LUC7L2: variants seen among roughly 807,000 people sequenced by gnomAD.
LUC7L2 encodes the protein putative RNA-binding protein Luc7-like 2.
In LUC7L2, 25 loss-of-function variants were observed where a neutral mutation model predicts 52.8. The ratio of observed to expected loss-of-function variants is 0.47; its 90% CI spans 0.34 to 0.66. LUC7L2 has a LOEUF of 0.66. Among genes scored for constraint, LUC7L2 ranks in the 30% least tolerant of loss-of-function variants. The probability of loss-of-function intolerance (pLI) is 0.01; values close to 1 mark genes in which losing one functional copy is unlikely to be tolerated. For missense variants in LUC7L2, 328 were observed against 497.8 expected, an observed-to-expected ratio of 0.66 and a Z score of 3.25; for synonymous variants, 144 against 160.9, an observed-to-expected ratio of 0.89 and a Z score of 0.80.
chr7:139,403,259 A>G (rs1794994073), intron 4 of LUC7L2, among the ~76,000 whole-genome samples: 2 of 152,206 alleles, frequency 1.3e-5, no homozygotes, highest in Non-Finnish European at 2.9e-5. Flanking sequence ...TATCCAGTGT[A>G]TGTTTATTTT....
chr7:139,421,461 G>A (rs78433237), intron 9 of LUC7L2, among the ~76,000 whole-genome samples: 259 of 152,270 alleles, frequency 1.7e-3, no homozygotes, highest in African/African-American at 5.9e-3. Flanking sequence ...AATGAAGTTG[G>A]GTATGGGAAT....
chr7:139,374,860 A>G (rs1299012159), intron 1 of LUC7L2: 2 of 1,001,988 alleles, frequency 2.0e-6, no homozygotes, highest in Non-Finnish European at 2.4e-6. Context: ...TAAAGTTTTA[A>G]TCTTTTTTGT....
intron 3 of LUC7L2, 44 bp downstream of exon 3, chr7:139,398,741 A>G (rs1312659233): frequency 5.7e-6 from 9 of 1,571,414 alleles, no homozygotes; most frequent in Non-Finnish European, 7.8e-6. Flanking sequence ...CTTTTGCTGT[A>G]AAACATTGTG....
intron 9 of LUC7L2, among the ~76,000 whole-genome samples, 193 bp from the exon 10 acceptor site, chr7:139,421,970 C>T (rs938635300): frequency 1.3e-5 from 2 of 152,118 alleles, no homozygotes; most frequent in Non-Finnish European, 2.9e-5. Context: ...ATTTGTTTTT[C>T]ACCCATCTTC....
intron 8 of LUC7L2, among the ~76,000 whole-genome samples, chr7:139,413,329 A>G (rs1453493301): frequency 6.6e-6 from 1 of 152,122 alleles, no homozygotes; most frequent in Non-Finnish European, 1.5e-5. Flanking sequence ...TCATGGATCC[A>G]TTCCCACCTA....
At chr7:139,405,508 G>T in intron 4 of LUC7L2, 136 bp from the exon 5 acceptor site, 1 of 1,119,586 alleles carries the variant, frequency 8.9e-7, no homozygotes, top group Non-Finnish European at 1.2e-6. Flanking sequence ...TAGTTCATTT[G>T]GGATACGCTC....
intron 7 of LUC7L2, among the ~76,000 whole-genome samples, chr7:139,410,407 A>G (rs1795311352): frequency 6.6e-6 from 1 of 152,172 alleles, no homozygotes. Flanking sequence ...TAGGAGCCAT[A>G]AACTATTAAA....
At chr7:139,378,575 A>AG (rs11421109) in intron 2 of LUC7L2, among the ~76,000 whole-genome samples, 10 of 66,414 alleles carry the variant, frequency 1.5e-4, no homozygotes, top group African/African-American at 4.2e-4. Flanking sequence ...ACCCTGCCTC[A>AG]AAAAAAAGAA....
intron 2 of LUC7L2, among the ~76,000 whole-genome samples, chr7:139,390,917 A>G (rs1794423161): frequency 6.6e-6 from 1 of 152,220 alleles, no homozygotes; most frequent in South Asian, 2.1e-4. Context: ...TTCCAATTAT[A>G]CATCACCCTC....
At chr7:139,363,702 TATTC>T in intron 1 of LUC7L2, among the ~76,000 whole-genome samples, 1 of 152,332 alleles carries the variant, frequency 6.6e-6, no homozygotes, top group East Asian at 1.9e-4. Flanking sequence ...TCCCTGAACA[TATTC>T]ATTCTATTTG....
At chr7:139,389,037 A>C (rs998067327) in intron 2 of LUC7L2, among the ~76,000 whole-genome samples, 24 of 145,528 alleles carry the variant, frequency 1.6e-4, no homozygotes, top group African/African-American at 6.3e-4. Context: ...GAGACACTTC[A>C]CATTTTTTAA....
At chr7:139,367,013 T>A (rs768488896) in intron 1 of LUC7L2, among the ~76,000 whole-genome samples, 1 of 152,082 alleles carries the variant, frequency 6.6e-6, no homozygotes, top group Non-Finnish European at 1.5e-5. Context: ...AGAGTCTCTG[T>A]CTCCCAGGCG....
chr7:139,358,127 C>T (rs1799664830), upstream of LUC7L2, among the ~76,000 whole-genome samples: 1 of 152,130 alleles, frequency 6.6e-6, no homozygotes, highest in Admixed American at 6.5e-5. Flanking sequence ...CCTGCCTCAG[C>T]CTCCGAGTAG....
At chr7:139,365,031 A>G (rs971967609) in intron 1 of LUC7L2, among the ~76,000 whole-genome samples, 3 of 152,242 alleles carry the variant, frequency 2.0e-5, no homozygotes, top group African/African-American at 7.2e-5. Flanking sequence ...ATTCTTTAAT[A>G]TAAGGAGTTT....
intron 1 of LUC7L2, 49 bp from the exon 2 acceptor site, chr7:139,376,013 A>G: frequency 6.3e-7 from 1 of 1,598,332 alleles, no homozygotes; most frequent in Admixed American, 1.7e-5. Flanking sequence ...CTCAGAAAAT[A>G]CTTTCCAGTT....
Position 139,348,521 on chromosome 7 carries a change from C to T in LUC7L2, c.-26+8004C>T, listed in dbSNP as rs189755371. Reference sequence around the variant, plus strand: ...GGATCACAAGGTCGAGAGATTGAGACCATCCTGGCCAACATGGTGAAACCC... The same window carrying T: ...GGATCACAAGGTCGAGAGATTGAGATCATCCTGGCCAACATGGTGAAACCC... On this transcript the variant is annotated intron_variant, in intron 1 of 10. Coordinates refer to the LUC7L2 transcript ENST00000541170. Among the ~76,000 whole-genome samples, 153 of 151,610 alleles carry T rather than the reference C, an allele frequency of 1.0e-3. 1 individual carries two copies. The Middle Eastern group carries it at 0.02, about 20-fold the overall frequency.
intron 7 of LUC7L2, among the ~76,000 whole-genome samples, chr7:139,411,738 C>T (rs1011832318): frequency 2.0e-5 from 3 of 152,156 alleles, no homozygotes; most frequent in African/African-American, 7.2e-5. Context: ...TAGAGTATCT[C>T]ATTTCATTTG....
intron 1 of LUC7L2, chr7:139,341,439 C>T: frequency 6.2e-7 from 1 of 1,613,512 alleles, no homozygotes; most frequent in East Asian, 2.2e-5. Context: ...GCGGGAGTTG[C>T]GCTACCTGAG....
rs141702092 is a variant in LUC7L2, at chr7:139,410,999, A to G, written c.779+1345A>G. On this transcript the variant is annotated intron_variant, in intron 7 of 9. Transcript: ENST00000354926. ...AAAGTTTACCTCAGAGCTTTTATCTACTTGTTCTTTTGTGTATAGTAAGTC... is the reference window on the plus strand; with the variant it reads ...AAAGTTTACCTCAGAGCTTTTATCTGCTTGTTCTTTTGTGTATAGTAAGTC... Among the ~76,000 whole-genome samples the G allele has an allele frequency of 5.4e-3, 822 of 152,304 alleles. 10 individuals are homozygous for G. The highest frequency in any genetic ancestry group is 0.018 in the African/African-American group (748 of 41,570).
Sources: allele counts gnomAD v4.1 joint callset (sites outside exome capture counted in the v4.1 genomes callset), GRCh38; gene constraint gnomAD v4.1.1; transcripts MANE v1.5; gene names NCBI Gene and HGNC (gene_info 2026-07-23, HGNC 2026-07-21).